Variants in KATNAL1 observed in about 807,000 individuals in gnomAD.
KATNAL1 encodes the protein katanin p60 ATPase-containing subunit A-like 1.
A neutral mutation model predicts 55.2 loss-of-function variants in KATNAL1; 32 were observed. That is an observed-to-expected ratio of 0.58 (90% confidence interval 0.44 to 0.78). The LOEUF (loss-of-function observed/expected upper bound fraction) is 0.78. Among genes scored for constraint, KATNAL1 ranks in the 30% least tolerant of loss-of-function variants. The pLI is 0.00. For synonymous variants in KATNAL1, 193 were observed against 193.6 expected (o/e 1.00, Z 0.02); for missense variants, 466 against 600.9 (o/e 0.78, Z 2.35).
Position 30,208,380 on chromosome 13 carries a change from T to C in KATNAL1, c.*160A>G, listed in dbSNP as rs367586745. On this transcript the variant is annotated 3_prime_UTR_variant, in exon 11 of 11. Coordinates refer to ENST00000380615, the MANE Select transcript of KATNAL1 (RefSeq NM_032116.5). ...TAGCAAACTCTCGCCATCAATTATT[T>C]CTCAACTACATTTAGTATTCTTCGC... 24 of 587,114 alleles carry C rather than the reference T, an allele frequency of 4.1e-5. 1 individual carries two copies. The highest frequency in any genetic ancestry group is 3.8e-4 in the South Asian group (15 of 39,134). The allele number at this position is 587,114 out of a possible 1,614,324, so 36.4% of individuals were successfully genotyped here. A position where few individuals can be genotyped will look rare whatever the true frequency, so the allele number is the denominator to read the frequency against.
intron 9 of KATNAL1, among the ~76,000 whole-genome samples, chr13:30,222,874 C>T (rs544655198): frequency 6.6e-6 from 1 of 152,120 alleles, no homozygotes; most frequent in Non-Finnish European, 1.5e-5. Context: ...GGGTGAATCA[C>T]CTGAGCTCAG....
chr13:30,221,585 GAAT>G (rs1247274367), intron 9 of KATNAL1, among the ~76,000 whole-genome samples: 2 of 152,158 alleles, frequency 1.3e-5, no homozygotes, highest in African/African-American at 4.8e-5. Context: ...ATCCATTTCT[GAAT>G]AAAAAATTTT....
At chr13:30,293,617 TACC>T (rs1882284991) in intron 1 of KATNAL1, among the ~76,000 whole-genome samples, 1 of 152,180 alleles carries the variant, frequency 6.6e-6, no homozygotes, top group Admixed American at 6.5e-5. Context: ...TAACCACCAC[TACC>T]ACCACAACAA....
chr13:30,217,444 A>C (rs1342367894), intron 9 of KATNAL1, among the ~76,000 whole-genome samples: 4 of 152,164 alleles, frequency 2.6e-5, no homozygotes, highest in Non-Finnish European at 5.9e-5. Flanking sequence ...ACAGAGCAAG[A>C]CTCCATCTCA....
At chr13:30,259,902 G>C (rs1879127289) in intron 3 of KATNAL1, among the ~76,000 whole-genome samples, 1 of 152,314 alleles carries the variant, frequency 6.6e-6, no homozygotes, top group South Asian at 2.1e-4. Flanking sequence ...GCCTCTGTAG[G>C]CTCCACCTCT....
At chr13:30,296,539 G>A (rs1882508208) in intron 1 of KATNAL1, 2 of 735,310 alleles carry the variant, frequency 2.7e-6, no homozygotes, top group African/African-American at 1.7e-5. Flanking sequence ...ATCATTGATG[G>A]CAAGGGTGTC....
intron 3 of KATNAL1, among the ~76,000 whole-genome samples, chr13:30,260,624 T>A (rs1321773930): frequency 6.6e-6 from 1 of 151,882 alleles, no homozygotes; most frequent in Admixed American, 6.6e-5. Context: ...GTATCAGCGA[T>A]GGAAGATGAA....
intron 6 of KATNAL1, among the ~76,000 whole-genome samples, chr13:30,238,173 G>A (rs1876882186): frequency 6.6e-6 from 1 of 152,040 alleles, no homozygotes; most frequent in Non-Finnish European, 1.5e-5. Context: ...CGAACTCCTG[G>A]GAAATACAAT....
intron 3 of KATNAL1, among the ~76,000 whole-genome samples, chr13:30,272,154 C>T (rs1243452443): frequency 6.6e-6 from 1 of 152,082 alleles, no homozygotes; most frequent in Non-Finnish European, 1.5e-5. Context: ...AATCCCAGCA[C>T]TTTGGGAGGC....
intron 1 of KATNAL1, among the ~76,000 whole-genome samples, chr13:30,304,921 C>A (rs974792469): frequency 6.6e-6 from 1 of 152,218 alleles, no homozygotes; most frequent in Non-Finnish European, 1.5e-5. Context: ...CTCCCAACAT[C>A]CAAACTCTTA....
intron 6 of KATNAL1, among the ~76,000 whole-genome samples, chr13:30,237,404 T>C (rs910885465): frequency 1.3e-5 from 2 of 152,230 alleles, no homozygotes; most frequent in African/African-American, 2.4e-5. Context: ...GATAAATGGA[T>C]AGATGAACAG....
intron 3 of KATNAL1, among the ~76,000 whole-genome samples, chr13:30,274,989 C>T (rs980351701): frequency 4.7e-5 from 7 of 150,072 alleles, no homozygotes; most frequent in Non-Finnish European, 8.9e-5. Flanking sequence ...GGAAATCCTA[C>T]CATTTCCTTG....
Position 30,269,631 on chromosome 13 carries a change from C to T in KATNAL1, c.323+10432G>A, listed in dbSNP as rs868178132. 9.6e-3 allele frequency among the ~76,000 whole-genome samples: 1,348 copies of T among 141,074 alleles called. 18 individuals carry two copies. The highest frequency in any genetic ancestry group is 0.023 in the African/African-American group (851 of 36,814). The allele number at this position is 141,074 out of a possible 152,430, so 92.6% of individuals were successfully genotyped here. A position where few individuals can be genotyped will look rare whatever the true frequency, so the allele number is the denominator to read the frequency against. On this transcript the variant is annotated intron_variant, in intron 3 of 10. Coordinates refer to ENST00000380615, the MANE Select transcript of KATNAL1 (RefSeq NM_032116.5). ...CATCCCATCTAGGAAGTGAGGAGCG[C>T]CTCTGCCTGGCCGCCCATCGTCTGG...
chr13:30,242,857 G>A (rs118004363), intron 4 of KATNAL1, among the ~76,000 whole-genome samples: 3,249 of 152,170 alleles, frequency 0.021, 46 homozygotes, highest in Non-Finnish European at 0.033. Flanking sequence ...ATAAAAAACA[G>A]ACATAGGAAA....
intron 3 of KATNAL1, among the ~76,000 whole-genome samples, chr13:30,260,258 C>G (rs1383492976): frequency 6.6e-6 from 1 of 152,132 alleles, no homozygotes; most frequent in African/African-American, 2.4e-5. Context: ...TAGATAAAAC[C>G]ACAAAGATGG....
intron 4 of KATNAL1, among the ~76,000 whole-genome samples, chr13:30,254,527 A>G (rs943092273): frequency 2.2e-4 from 34 of 152,224 alleles, no homozygotes; most frequent in Non-Finnish European, 4.0e-4. Flanking sequence ...TATTATGGCT[A>G]TAAGACCTAG....
At chr13:30,242,427 T>C (rs1877369836) in intron 4 of KATNAL1, among the ~76,000 whole-genome samples, 1 of 152,220 alleles carries the variant, frequency 6.6e-6, no homozygotes, top group Non-Finnish European at 1.5e-5. Context: ...CAATACATGC[T>C]ATTGTGCATT....
chr13:30,205,180 A>C lies in KATNAL1; in HGVS notation c.*3360T>G, dbSNP rs1872995300. The C allele has an allele frequency of 6.6e-6, 1 of 152,216 alleles. No homozygotes were observed. Among genetic ancestry groups the C allele is most frequent in the South Asian group, 2.1e-4 (1 of 4,830 alleles). The allele number at this position is 152,216 out of a possible 1,614,324, so 9.4% of individuals were successfully genotyped here. The stretch of plus-strand genomic sequence containing the variant: ...AAAAATAGGGGAAAAAAACTTTTAT[A>C]TATTTTTCCAAAGCACAAACAGATT... On this transcript the variant is annotated 3_prime_UTR_variant, in exon 11 of 11. Transcript: ENST00000380615.
rs1872856830 is a variant in KATNAL1, at chr13:30,203,533, T to TCTA, written c.*5004_*5006dup. 1 of 152,244 alleles carries TCTA rather than the reference T, an allele frequency of 6.6e-6. No individual in the cohort carries two copies. Among genetic ancestry groups the TCTA allele is most frequent in the Non-Finnish European group, 1.5e-5 (1 of 68,036 alleles). 9.4% of individuals were successfully genotyped at this position (152,244 alleles called of 1,614,324 possible). A position where few individuals can be genotyped will look rare whatever the true frequency, so the allele number is the denominator to read the frequency against. On this transcript the variant is annotated 3_prime_UTR_variant, in exon 11 of 11. Transcript: ENST00000380615. Reference sequence around the variant, plus strand: ...AGTCCTTTTATAAGAGGGAAACTTCTCTATACAAATTCCCTATTTTTTTGT... The same window carrying TCTA: ...AGTCCTTTTATAAGAGGGAAACTTCTCTACTATACAAATTCCCTATTTTTTTGT...
Sources: allele counts gnomAD v4.1 joint callset (sites outside exome capture counted in the v4.1 genomes callset), GRCh38; gene constraint gnomAD v4.1.1; transcripts MANE v1.5; gene names NCBI Gene and HGNC (gene_info 2026-07-23, HGNC 2026-07-21).